WDR70: variants seen among roughly 807,000 people sequenced by gnomAD.
WDR70 encodes WD repeat-containing protein 70.
WDR70 carries 53 observed loss-of-function variants against 88.6 expected under a neutral mutation model. The observed-to-expected ratio is 0.60, with a 90% CI of 0.48 to 0.75. The LOEUF (loss-of-function observed/expected upper bound fraction) is 0.75, where lower values mean the gene tolerates loss of function less well. Among genes scored for constraint, WDR70 ranks in the 30% least tolerant of loss-of-function variants. WDR70 has a pLI of 0.00. For synonymous variants in WDR70, 280 were observed against 270.0 expected, an observed-to-expected ratio of 1.04 and a Z score of -0.36; for missense variants, 610 against 823.2, an observed-to-expected ratio of 0.74 and a Z score of 3.17.
intron 5 of WDR70, among the ~76,000 whole-genome samples, chr5:37,421,815 C>T (rs6451317): frequency 0.092 from 13,979 of 151,552 alleles, 2,106 homozygotes; most frequent in African/African-American, 0.31. Context: ...GGTATTGCCA[C>T]TGACATCCTA....
intron 9 of WDR70, among the ~76,000 whole-genome samples, chr5:37,542,982 C>T (rs1443552089): frequency 6.6e-6 from 1 of 152,174 alleles, no homozygotes; most frequent in African/African-American, 2.4e-5. Flanking sequence ...ATGGTGTGTC[C>T]GTTTGGAGCA....
intron 9 of WDR70, among the ~76,000 whole-genome samples, chr5:37,591,293 A>G (rs1335804276): frequency 6.6e-6 from 1 of 152,226 alleles, no homozygotes; most frequent in Non-Finnish European, 1.5e-5. Flanking sequence ...AGATCACACC[A>G]CTGCACTCTA....
intron 11 of WDR70, among the ~76,000 whole-genome samples, chr5:37,698,286 A>T (rs1456330293): frequency 6.6e-6 from 1 of 152,086 alleles, no homozygotes; most frequent in Non-Finnish European, 1.5e-5. Context: ...ATAGCTTCCT[A>T]ATTTTTTTGC....
At chr5:37,541,661 G>A (rs908400187) in intron 9 of WDR70, among the ~76,000 whole-genome samples, 1 of 152,040 alleles carries the variant, frequency 6.6e-6, no homozygotes, top group Non-Finnish European at 1.5e-5. Context: ...TAAAAAGGTG[G>A]GCATGGAGAA....
chr5:37,549,906 A>C (rs1315491919), intron 9 of WDR70, among the ~76,000 whole-genome samples: 1 of 151,224 alleles, frequency 6.6e-6, no homozygotes, highest in Non-Finnish European at 1.5e-5. Context: ...CCTGTCATGC[A>C]GGGAGAGTGC....
At chr5:37,428,315 A>C (rs1193991075) in intron 5 of WDR70, among the ~76,000 whole-genome samples, 1 of 152,210 alleles carries the variant, frequency 6.6e-6, no homozygotes, top group Admixed American at 6.5e-5. Context: ...CCAATTTATG[A>C]GTATAGTTTG....
intron 5 of WDR70, among the ~76,000 whole-genome samples, chr5:37,402,944 GTTTTTT>G (rs5867348): frequency 1.2e-5 from 1 of 84,372 alleles, no homozygotes; most frequent in Non-Finnish European, 2.0e-5. Context: ...CCCTCCCTCC[GTTTTTT>G]TTTTTTTTTT....
intron 7 of WDR70, among the ~76,000 whole-genome samples, chr5:37,464,674 G>A (rs2112114434): frequency 6.6e-6 from 1 of 152,282 alleles, no homozygotes; most frequent in South Asian, 2.1e-4. Context: ...AGTTGCTGTG[G>A]TAGAAATCTG....
At chr5:37,721,399 C>A in intron 14 of WDR70, 184 bp downstream of exon 14, 1 of 600,908 alleles carries the variant, frequency 1.7e-6, no homozygotes, top group South Asian at 2.1e-5. Flanking sequence ...TGAATATTGC[C>A]CTTGATCCAC....
rs569278199 is a variant in WDR70 at position 37,701,549 on chromosome 5, G to A, written c.1277+407G>A. 6.4e-4 allele frequency among the ~76,000 whole-genome samples: 98 copies of A among 152,202 alleles called. No homozygotes were observed. The Middle Eastern group carries it at 0.01, about 16-fold the overall frequency. On this transcript the variant is annotated intron_variant, in intron 12 of 17. Coordinates refer to ENST00000265107, the MANE Select transcript of WDR70 (RefSeq NM_018034.4). ...TCATGCCTGTAATCCCAGCACTTTG[G>A]GAGGCCGAGGCGGGCAGATCACGAG...
In WDR70 at chr5:37,487,620, TATATG is replaced by T. The variant is rs1452858154; in HGVS notation, c.840+7634_840+7638del. On this transcript the variant is annotated intron_variant, in intron 8 of 17. Coordinates refer to ENST00000265107, the MANE Select transcript of WDR70 (RefSeq NM_018034.4). ...ATATAAATATATATATATATATATA[TATATG>T]TATTTTTTTTTTTTTTTTTGAGAGG... 8.9e-3 allele frequency among the ~76,000 whole-genome samples: 347 copies of T among 38,836 alleles called. 7 individuals carry two copies. Among genetic ancestry groups the T allele is most frequent in the Middle Eastern group, 0.015 (1 of 68 alleles). 25.5% of individuals were successfully genotyped at this position (38,836 alleles called of 152,430 possible).
At chr5:37,506,888 C>A in intron 8 of WDR70, 1 of 1,063,780 alleles carries the variant, frequency 9.4e-7, no homozygotes. Context: ...CCTGAGTGAG[C>A]CACCACCCTC....
chr5:37,497,024 C>T (rs1043894398), intron 8 of WDR70, among the ~76,000 whole-genome samples: 1 of 152,172 alleles, frequency 6.6e-6, no homozygotes, highest in Admixed American at 6.5e-5. Flanking sequence ...TGGAATGTTT[C>T]TTTTATTGCA....
chr5:37,499,833 G>A (rs1379111333), intron 8 of WDR70, among the ~76,000 whole-genome samples: 1 of 152,092 alleles, frequency 6.6e-6, no homozygotes, highest in Non-Finnish European at 1.5e-5. Context: ...GATTACAGGC[G>A]TGAGTCAGTC....
chr5:37,385,083 C>T (rs1218366887), intron 3 of WDR70, among the ~76,000 whole-genome samples: 1 of 152,160 alleles, frequency 6.6e-6, no homozygotes, highest in Non-Finnish European at 1.5e-5. Context: ...ATAAATGATA[C>T]AGATGAACAG....
chr5:37,501,565 C>T (rs1318780834), intron 8 of WDR70, among the ~76,000 whole-genome samples: 1 of 152,208 alleles, frequency 6.6e-6, no homozygotes, highest in East Asian at 1.9e-4. Flanking sequence ...TGTTGGGCCA[C>T]ATTCAAAGCC....
intron 13 of WDR70, among the ~76,000 whole-genome samples, chr5:37,717,537 G>A (rs1252084807): frequency 1.3e-5 from 2 of 152,208 alleles, no homozygotes; most frequent in African/African-American, 4.8e-5. Context: ...AGAACAGGAT[G>A]AAGAAAGTTT....
At position 37,736,697 on chromosome 5, in the gene WDR70, G is replaced by A. The variant is rs961336094; in HGVS notation, c.1877+9652G>A. On this transcript the variant is annotated intron_variant, in intron 17 of 17. Coordinates refer to ENST00000265107, the MANE Select transcript of WDR70 (RefSeq NM_018034.4). The stretch of plus-strand genomic sequence containing the variant: ...TGGACTCCATCCTAAACCAACTCAA[G>A]GGGGCTTTGTGGGATTAGGGGTGGG... Among the ~76,000 whole-genome samples the A allele has an allele frequency of 3.3e-5, 5 of 151,354 alleles. No homozygotes were observed. The South Asian group carries it at 1.0e-3, about 32-fold the overall frequency.
intron 10 of WDR70, among the ~76,000 whole-genome samples, chr5:37,620,653 G>T (rs1414776320): frequency 6.6e-6 from 1 of 152,072 alleles, no homozygotes; most frequent in East Asian, 1.9e-4. Context: ...CGTGTTTAAA[G>T]TACTGATCAT....
Sources: allele counts gnomAD v4.1 joint callset (sites outside exome capture counted in the v4.1 genomes callset), GRCh38; gene constraint gnomAD v4.1.1; transcripts MANE v1.5; gene names NCBI Gene and HGNC (gene_info 2026-07-23, HGNC 2026-07-21).